VNN1: variants seen among roughly 807,000 people sequenced by gnomAD.
VNN1 encodes the protein pantetheinase.
VNN1 carries 29 observed loss-of-function variants against 41.9 expected under a neutral mutation model. That is an observed-to-expected ratio of 0.69 (90% CI 0.52 to 0.94). The LOEUF (loss-of-function observed/expected upper bound fraction) is 0.94, where lower values mean the gene tolerates loss of function less well. Among genes scored for constraint, VNN1 ranks in the 40% least tolerant of loss-of-function variants. The pLI is 0.00. For synonymous variants in VNN1, 233 were observed against 224.4 expected, an observed-to-expected ratio of 1.04 and a Z score of -0.34; for missense variants, 637 against 621.1, an observed-to-expected ratio of 1.03 and a Z score of -0.27.
At chr6:132,713,095 A>G (rs1235251165) in intron 1 of VNN1, among the ~76,000 whole-genome samples, 3 of 152,204 alleles carry the variant, frequency 2.0e-5, no homozygotes, top group Non-Finnish European at 2.9e-5. Context: ...TGATCACACC[A>G]CTATACTCCA....
At chr6:132,685,672 G>T (rs551133448) in intron 5 of VNN1, among the ~76,000 whole-genome samples, 1 of 152,186 alleles carries the variant, frequency 6.6e-6, no homozygotes, top group African/African-American at 2.4e-5. Flanking sequence ...ACACTGCAAA[G>T]CACTCAAATT....
At chr6:132,685,706 TAGAGCTAGG>T (rs1778195448) in intron 5 of VNN1, among the ~76,000 whole-genome samples, 1 of 152,148 alleles carries the variant, frequency 6.6e-6, no homozygotes, top group South Asian at 2.1e-4. Flanking sequence ...GCTCTATACC[TAGAGCTAGG>T]AGTAAAGTTG....
At chr6:132,709,049 C>T (rs903216026) in intron 2 of VNN1, among the ~76,000 whole-genome samples, 1 of 152,070 alleles carries the variant, frequency 6.6e-6, no homozygotes, top group African/African-American at 2.4e-5. Context: ...CACTGTGATG[C>T]CCTCAGACGA....
chr6:132,712,008 T>C (rs1371987030), intron 1 of VNN1, among the ~76,000 whole-genome samples, 169 bp from the exon 2 acceptor site: 1 of 152,158 alleles, frequency 6.6e-6, no homozygotes, highest in Non-Finnish European at 1.5e-5. Flanking sequence ...TCCTTTTTTT[T>C]CAGTGCACTG....
At position 132,681,903 on chromosome 6, in the gene VNN1, C is replaced by T. The variant is rs913753263; in HGVS notation, c.*1237G>A. On this transcript the variant is annotated 3_prime_UTR_variant, in exon 7 of 7. Coordinates refer to ENST00000367928, the MANE Select transcript of VNN1 (RefSeq NM_004666.3). ...AGATCACTACTGCAAGTGCCTTGCT[C>T]TCCTGTGCAGAAGGGCATGCTTTGC... is the stretch of plus-strand genomic sequence containing the variant. The T allele has an allele frequency of 6.6e-6, 1 of 152,572 alleles. No individual in the cohort carries two copies. Among genetic ancestry groups the T allele is most frequent in the Admixed American group, 6.5e-5 (1 of 15,288 alleles). 9.5% of individuals were successfully genotyped at this position (152,572 alleles called of 1,614,324 possible). A position where few individuals can be genotyped will look rare whatever the true frequency, so the allele number is the denominator to read the frequency against.
intron 5 of VNN1, among the ~76,000 whole-genome samples, chr6:132,686,825 A>G (rs1188127724): frequency 6.6e-6 from 1 of 152,228 alleles, no homozygotes; most frequent in African/African-American, 2.4e-5. Context: ...TTTCCTAAAT[A>G]GCCTCAGAGA....
intron 5 of VNN1, among the ~76,000 whole-genome samples, chr6:132,691,589 C>T (rs1298142841): frequency 6.6e-6 from 1 of 152,032 alleles, no homozygotes. Flanking sequence ...TTTCAATGAA[C>T]TCCTGTTATA....
chr6:132,695,161 A>AT (rs1422002567), intron 2 of VNN1, among the ~76,000 whole-genome samples: 1 of 151,518 alleles, frequency 6.6e-6, no homozygotes, highest in Non-Finnish European at 1.5e-5. Flanking sequence ...TCAAAAAAAA[A>AT]TTTTTTTGAA....
rs1444138727 is a variant in VNN1 at position 132,693,197 on chromosome 6, T to A, written c.653A>T (p.Asp218Val). 1.1e-5 allele frequency: 18 copies of A among 1,613,994 alleles called. No homozygotes were observed. Among genetic ancestry groups the A allele is most frequent in the Non-Finnish European group, 1.4e-5 (17 of 1,180,014 alleles). Reference sequence around the variant, plus strand: ...ATCTTTCACCAAGGTAACAGCAGGATCATGGAAGAGTATATCAAAGCATGT... The same window carrying A: ...ATCTTTCACCAAGGTAACAGCAGGAACATGGAAGAGTATATCAAAGCATGT... ...IFTCFDILFH[D>V]PAVTLVKDFH... The change falls in exon 4 of 7, where the codon GAT becomes GTT. Residue 218 changes from aspartate to valine, a missense_variant. Coordinates refer to ENST00000367928, the MANE Select transcript of VNN1 (RefSeq NM_004666.3).
intron 2 of VNN1, among the ~76,000 whole-genome samples, chr6:132,700,519 T>A (rs554636577): frequency 7.2e-5 from 11 of 152,206 alleles, no homozygotes; most frequent in Admixed American, 5.9e-4. Context: ...CTATCCCCAC[T>A]GCTTCCCAAA....
chr6:132,708,886 G>C (rs997042016), intron 2 of VNN1, among the ~76,000 whole-genome samples: 6 of 152,004 alleles, frequency 3.9e-5, no homozygotes, highest in Non-Finnish European at 8.8e-5. Flanking sequence ...TCACATCACT[G>C]TAACCACACT....
In VNN1 at chr6:132,694,186, A is replaced by G; in HGVS notation, c.342-4T>C. The G allele has an allele frequency of 6.4e-7, 1 of 1,566,236 alleles. No individual in the cohort carries two copies. Among genetic ancestry groups the G allele is most frequent in the Non-Finnish European group, 8.6e-7 (1 of 1,158,218 alleles). On this transcript the variant is annotated splice_polypyrimidine_tract_variant and splice_region_variant and intron_variant, in intron 2 of 6. Transcript: ENST00000367928. Reference sequence around the variant, plus strand: ...TTGTACTGGGGTCTGGCCAAATCTGATACATGTTTATTGGAGGAAAAAAAT... The same window carrying G: ...TTGTACTGGGGTCTGGCCAAATCTGGTACATGTTTATTGGAGGAAAAAAAT...
intron 4 of VNN1, 71 bp downstream of exon 4, chr6:132,692,953 G>C: frequency 2.0e-6 from 3 of 1,471,978 alleles, no homozygotes; most frequent in Non-Finnish European, 2.7e-6. Flanking sequence ...GCGTTAGCTA[G>C]AAAAACATGT....
Position 132,704,200 on chromosome 6 carries a change from G to A in VNN1, c.341+7509C>T, listed in dbSNP as rs184452285. ...AACATTGGACTTAATCTGCATTACAGACCAAGTGGGCTTAATAGATAGTTA... is the reference window on the plus strand; with the variant it reads ...AACATTGGACTTAATCTGCATTACAAACCAAGTGGGCTTAATAGATAGTTA... On this transcript the variant is annotated intron_variant, in intron 2 of 6. Transcript: ENST00000367928. 5.3e-5 allele frequency among the ~76,000 whole-genome samples: 8 copies of A among 152,092 alleles called. No homozygotes were observed. In the East Asian group the frequency reaches 1.4e-3, roughly 26 times the overall value.
intron 5 of VNN1, among the ~76,000 whole-genome samples, chr6:132,687,581 A>G (rs528498495): frequency 3.3e-5 from 5 of 152,346 alleles, no homozygotes; most frequent in Admixed American, 2.6e-4. Flanking sequence ...AACAGAACAA[A>G]GGAGCAAATA....
At chr6:132,705,193 AT>A (rs146645725) in intron 2 of VNN1, among the ~76,000 whole-genome samples, 28,110 of 152,104 alleles carry the variant, frequency 0.18, 3,264 homozygotes, top group East Asian at 0.36. Context: ...GTATTATACT[AT>A]ACCAAAACCA....
intron 2 of VNN1, among the ~76,000 whole-genome samples, chr6:132,703,864 A>G (rs932845190): frequency 1.3e-5 from 2 of 152,198 alleles, no homozygotes; most frequent in African/African-American, 4.8e-5. Context: ...AAGGGATAGC[A>G]AAGATTTCCA....
intron 2 of VNN1, among the ~76,000 whole-genome samples, chr6:132,709,889 T>C (rs895027930): frequency 2.6e-5 from 4 of 152,120 alleles, no homozygotes; most frequent in African/African-American, 9.7e-5. Flanking sequence ...TGCTTGCCTT[T>C]TAGAAACTGA....
At chr6:132,687,833 G>A (rs1477351350) in intron 5 of VNN1, among the ~76,000 whole-genome samples, 2 of 151,896 alleles carry the variant, frequency 1.3e-5, no homozygotes, top group East Asian at 3.8e-4. Context: ...GAAAATTAAC[G>A]AAATTTAAAA....
Sources: gnomAD v4.1 joint callset for allele counts (sites outside exome capture counted in the v4.1 genomes callset) on GRCh38, gnomAD v4.1.1 for gene constraint, MANE v1.5 for transcripts, NCBI Gene and HGNC (gene_info 2026-07-23, HGNC 2026-07-21) for gene names.